Variants in ZBTB20 observed in about 807,000 individuals in gnomAD.
ZBTB20 encodes zinc finger and BTB domain containing 20, also known as zinc finger and BTB domain-containing protein 20.
Under a neutral mutation model 56.9 loss-of-function variants are expected in ZBTB20, and 9 were observed. That is an observed-to-expected ratio of 0.16 (90% CI 0.10 to 0.28). ZBTB20 has a LOEUF of 0.28. Ranked by LOEUF, ZBTB20 falls within the 10% of genes least tolerant of loss-of-function variation. ZBTB20 has a pLI of 1.00. For missense variants in ZBTB20, 655 were observed against 1,003.0 expected, an observed-to-expected ratio of 0.65 and a Z score of 4.69; for synonymous variants, 417 against 420.7, an observed-to-expected ratio of 0.99 and a Z score of 0.11.
intron 4 of ZBTB20, among the ~76,000 whole-genome samples, chr3:114,875,472 C>A (rs1171929120): frequency 6.6e-6 from 1 of 152,170 alleles, no homozygotes; most frequent in African/African-American, 2.4e-5. Context: ...TACCCATACA[C>A]ATCTCCCTCA....
intron 3 of ZBTB20, among the ~76,000 whole-genome samples, chr3:114,952,330 C>A (rs1193402761): frequency 6.6e-6 from 1 of 151,986 alleles, no homozygotes; most frequent in Non-Finnish European, 1.5e-5. Flanking sequence ...TGCTTTCTTG[C>A]CACATGATGC....
At chr3:114,938,184 G>C (rs982441314) in intron 3 of ZBTB20, among the ~76,000 whole-genome samples, 1 of 146,178 alleles carries the variant, frequency 6.8e-6, no homozygotes, top group Non-Finnish European at 1.5e-5. Context: ...CCCTTTGTCA[G>C]ATGGATAGAT....
At chr3:114,863,381 A>C (rs1339130721) in intron 4 of ZBTB20, among the ~76,000 whole-genome samples, 1 of 152,124 alleles carries the variant, frequency 6.6e-6, no homozygotes. Context: ...GGGCTTCTTC[A>C]AATTGGAACC....
At chr3:114,902,461 T>C (rs935240945) in intron 3 of ZBTB20, among the ~76,000 whole-genome samples, 1 of 152,138 alleles carries the variant, frequency 6.6e-6, no homozygotes, top group Non-Finnish European at 1.5e-5. Context: ...CACAATACAG[T>C]TCAAAGCATT....
At chr3:114,816,826 A>C (rs879307154) in intron 4 of ZBTB20, among the ~76,000 whole-genome samples, 1 of 152,180 alleles carries the variant, frequency 6.6e-6, no homozygotes, top group Non-Finnish European at 1.5e-5. Flanking sequence ...ATTTCAGTCT[A>C]CAATTATAGT....
At chr3:114,485,670 A>G (rs2042035553) in intron 7 of ZBTB20, among the ~76,000 whole-genome samples, 1 of 152,164 alleles carries the variant, frequency 6.6e-6, no homozygotes, top group South Asian at 2.1e-4. Flanking sequence ...TTAGGAAGTG[A>G]TTAAATCATG....
intron 4 of ZBTB20, among the ~76,000 whole-genome samples, chr3:114,853,435 G>A (rs548818713): frequency 6.6e-6 from 1 of 152,090 alleles, no homozygotes; most frequent in Non-Finnish European, 1.5e-5. Flanking sequence ...CTATTTAATT[G>A]TTTGTTGCAC....
chr3:114,906,083 C>T (rs1349794806), intron 3 of ZBTB20, among the ~76,000 whole-genome samples: 1 of 151,764 alleles, frequency 6.6e-6, no homozygotes, highest in East Asian at 1.9e-4. Context: ...AGATTGTATA[C>T]TCCATAGAGG....
At chr3:114,433,859 C>T (rs1225262750) in intron 7 of ZBTB20, among the ~76,000 whole-genome samples, 2 of 152,130 alleles carry the variant, frequency 1.3e-5, no homozygotes, top group Non-Finnish European at 2.9e-5. Flanking sequence ...ACTCAATGCA[C>T]AGAAAGGAAG....
At chr3:115,079,074 A>G (rs1339466699) in intron 1 of ZBTB20, among the ~76,000 whole-genome samples, 4 of 152,188 alleles carry the variant, frequency 2.6e-5, no homozygotes, top group Non-Finnish European at 4.4e-5. Flanking sequence ...TACCATCATG[A>G]GTTCACATAT....
At position 114,992,698 on chromosome 3, in the gene ZBTB20, C is replaced by T. The variant is rs1008257139; in HGVS notation, c.-506-18282G>A. 3.3e-5 allele frequency among the ~76,000 whole-genome samples: 5 copies of T among 151,770 alleles called. No individual in the cohort carries two copies. In the East Asian group the frequency reaches 7.8e-4, roughly 24 times the overall value. On this transcript the variant is annotated intron_variant, in intron 2 of 11. Coordinates refer to ENST00000675478, the MANE Select transcript of ZBTB20 (RefSeq NM_001348800.3). ...CCACTTATTAATGGATGTCCCCTCA[C>T]GCATCTGTAAGATTTAGACTAGAAA...
chr3:114,572,993 A>C (rs1359978904), intron 6 of ZBTB20, among the ~76,000 whole-genome samples: 1 of 152,214 alleles, frequency 6.6e-6, no homozygotes, highest in Non-Finnish European at 1.5e-5. Flanking sequence ...ATTACTCAGA[A>C]TGCTATTATT....
chr3:114,646,628 A>T (rs1658165235), intron 6 of ZBTB20, among the ~76,000 whole-genome samples: 1 of 152,236 alleles, frequency 6.6e-6, no homozygotes, highest in South Asian at 2.1e-4. Context: ...AGAAAACAAA[A>T]GTTTCATTCA....
chr3:114,777,317 T>A (rs949525401), intron 5 of ZBTB20, among the ~76,000 whole-genome samples: 2 of 151,992 alleles, frequency 1.3e-5, no homozygotes, highest in Non-Finnish European at 2.9e-5. Flanking sequence ...CCAGCCTGAC[T>A]AACATGGAGA....
At chr3:114,793,287 G>T (rs973980728) in intron 5 of ZBTB20, among the ~76,000 whole-genome samples, 4 of 152,010 alleles carry the variant, frequency 2.6e-5, no homozygotes, top group Non-Finnish European at 5.9e-5. Context: ...GAAGAAAAAT[G>T]TACACCAAAC....
chr3:114,754,721 A>C (rs2067868887), intron 5 of ZBTB20, among the ~76,000 whole-genome samples: 1 of 152,132 alleles, frequency 6.6e-6, no homozygotes. Context: ...GTTCTTAATA[A>C]ATGATAGCTT....
intron 1 of ZBTB20, among the ~76,000 whole-genome samples, chr3:115,082,083 C>T (rs2082816219): frequency 6.6e-6 from 1 of 152,228 alleles, no homozygotes; most frequent in South Asian, 2.1e-4. Flanking sequence ...TATACTAACA[C>T]TGCCTTGCAA....
chr3:114,381,234 C>T (rs1361278637), intron 8 of ZBTB20, among the ~76,000 whole-genome samples: 5 of 152,216 alleles, frequency 3.3e-5, no homozygotes, highest in South Asian at 4.1e-4. Flanking sequence ...ACTCATCCTA[C>T]GCCTAAGATT....
At chr3:114,707,932 T>C (rs2063815865) in intron 5 of ZBTB20, among the ~76,000 whole-genome samples, 1 of 152,176 alleles carries the variant, frequency 6.6e-6, no homozygotes, top group South Asian at 2.1e-4. Context: ...ATTTATATTG[T>C]ACCTTATCAA....
Sources: gnomAD v4.1 joint callset for allele counts (sites outside exome capture counted in the v4.1 genomes callset) on GRCh38, gnomAD v4.1.1 for gene constraint, MANE v1.5 for transcripts, NCBI Gene and HGNC (gene_info 2026-07-23, HGNC 2026-07-21) for gene names.